The following NCK1 variants were observed in gnomAD, a reference collection of about 807,000 sequenced individuals.
NCK1 encodes the protein NCK adaptor protein 1, also known as SH2/SH3 adapter protein NCK1.
A neutral mutation model predicts 36.6 loss-of-function variants in NCK1; 19 were observed. That is an observed-to-expected ratio of 0.52 (90% CI 0.36 to 0.76). NCK1 has a LOEUF of 0.76. Among genes scored for constraint, NCK1 ranks in the 30% least tolerant of loss-of-function variants. The pLI, the probability that NCK1 is intolerant of heterozygous loss-of-function variation, is 0.00. For missense variants in NCK1, 358 were observed against 445.6 expected (o/e 0.80, Z 1.77); for synonymous variants, 165 against 156.0 (o/e 1.06, Z -0.43).
chr3:136,915,125 T>TAGC (rs1178368408), intron 1 of NCK1, among the ~76,000 whole-genome samples: 1 of 152,194 alleles, frequency 6.6e-6, no homozygotes, highest in Non-Finnish European at 1.5e-5. Flanking sequence ...CTTTATAGAT[T>TAGC]AGCCTCAGGC....
At chr3:136,899,700 G>A (rs1939488460) in intron 1 of NCK1, 1 of 777,694 alleles carries the variant, frequency 1.3e-6, no homozygotes, top group Non-Finnish European at 2.3e-6. Flanking sequence ...ACTGCAATTA[G>A]AGATACGAGG....
chr3:136,901,178 C>G (rs190218535), intron 1 of NCK1, among the ~76,000 whole-genome samples: 1 of 151,342 alleles, frequency 6.6e-6, no homozygotes, highest in African/African-American at 2.4e-5. Context: ...ATGGTTTTGT[C>G]CTTTATTCTG....
In NCK1 at chr3:136,862,256, G is replaced by A. The variant is rs1030157625; in HGVS notation, c.-116G>A. 1.3e-5 allele frequency: 2 copies of A among 152,736 alleles called. No individual in the cohort carries two copies. Among genetic ancestry groups the A allele is most frequent in the Non-Finnish European group, 2.9e-5 (2 of 68,248 alleles). The allele number at this position is 152,736 out of a possible 1,614,324, so 9.5% of individuals were successfully genotyped here. A position where few individuals can be genotyped will look rare whatever the true frequency, so the allele number is the denominator to read the frequency against. On this transcript the variant is annotated 5_prime_UTR_variant, in exon 1 of 4. Coordinates refer to ENST00000481752, the MANE Select transcript of NCK1 (RefSeq NM_001291999.2). Reference sequence around the variant, plus strand: ...CCAAGAGCTACGCGGCGGCGGCGGAGCGCAGGCCTCGTGCCGTTACGGCCA... The same window carrying A: ...CCAAGAGCTACGCGGCGGCGGCGGAACGCAGGCCTCGTGCCGTTACGGCCA...
At chr3:136,875,798 T>A (rs532160985) in intron 1 of NCK1, among the ~76,000 whole-genome samples, 2 of 148,574 alleles carry the variant, frequency 1.3e-5, no homozygotes, top group African/African-American at 5.0e-5. Flanking sequence ...CTGCACCAAG[T>A]GGACCTAATA....
At chr3:136,892,142 C>T (rs1371849255) in intron 1 of NCK1, among the ~76,000 whole-genome samples, 2 of 152,158 alleles carry the variant, frequency 1.3e-5, no homozygotes, top group African/African-American at 4.8e-5. Flanking sequence ...CCTGTCTCAG[C>T]CTCCCAAAGT....
chr3:136,873,375 G>A (rs9834861), intron 1 of NCK1, among the ~76,000 whole-genome samples: 103,752 of 152,052 alleles, frequency 0.68, 35,696 homozygotes, highest in East Asian at 0.87. Context: ...CTCCCATTTG[G>A]AATGGCTGTA....
rs185700694 is a variant in NCK1 at position 136,906,569 on chromosome 3, G to C, written c.-18-21415G>C. Among the ~76,000 whole-genome samples, 57 of 152,288 alleles carry C rather than the reference G, an allele frequency of 3.7e-4. No homozygotes were observed. The East Asian group carries it at 6.7e-3, about 18-fold the overall frequency. On this transcript the variant is annotated intron_variant, in intron 1 of 3. Transcript: ENST00000481752. Reference sequence around the variant, plus strand: ...AGGTAAGCCAATCTTTGAGCCTCCAGGTGTCTTGCTTGGGTACCAGGAGTG... The same window carrying C: ...AGGTAAGCCAATCTTTGAGCCTCCACGTGTCTTGCTTGGGTACCAGGAGTG...
At chr3:136,939,742 A>G (rs1940620664) in intron 2 of NCK1, among the ~76,000 whole-genome samples, 1 of 148,948 alleles carries the variant, frequency 6.7e-6, no homozygotes, top group South Asian at 2.1e-4. Flanking sequence ...ACACTTGTTA[A>G]TTTTCCAGTT....
intron 1 of NCK1, among the ~76,000 whole-genome samples, chr3:136,869,082 A>G (rs76148091): frequency 6.6e-6 from 1 of 151,644 alleles, no homozygotes; most frequent in South Asian, 2.1e-4. Flanking sequence ...TACTAAAGAT[A>G]TAAAAAAATG....
intron 1 of NCK1, among the ~76,000 whole-genome samples, chr3:136,913,300 T>TA (rs1939876868): frequency 1.3e-5 from 2 of 152,140 alleles, no homozygotes; most frequent in African/African-American, 4.8e-5. Flanking sequence ...TTTTTGTTTT[T>TA]AGAGTCTTGC....
intron 1 of NCK1, among the ~76,000 whole-genome samples, chr3:136,919,669 T>TA (rs1940055277): frequency 6.6e-6 from 1 of 152,180 alleles, no homozygotes; most frequent in South Asian, 2.1e-4. Context: ...TAGGTATAGC[T>TA]ATATATTAAT....
At position 136,876,185 on chromosome 3, in the gene NCK1, C is replaced by T. The variant is rs1233830282; in HGVS notation, c.-19+13832C>T. Among the ~76,000 whole-genome samples the T allele has an allele frequency of 6.6e-5, 10 of 151,820 alleles. 1 individual carries two copies. The highest frequency in any genetic ancestry group is 7.3e-5 in the African/African-American group (3 of 41,278). On this transcript the variant is annotated intron_variant, in intron 1 of 3. Coordinates refer to ENST00000481752, the MANE Select transcript of NCK1 (RefSeq NM_001291999.2). ...AGAGGGAAATTTATAGCACTAAATGCCCAAAAGAGAAAGCAGGAAAGATCC... is the reference window on the plus strand; with the variant it reads ...AGAGGGAAATTTATAGCACTAAATGTCCAAAAGAGAAAGCAGGAAAGATCC...
intron 1 of NCK1, chr3:136,889,290 C>T (rs534757556): frequency 5.5e-4 from 97 of 176,414 alleles, no homozygotes; most frequent in African/African-American, 2.0e-3. Context: ...AATGAAGCCG[C>T]GGACCCTCGC....
chr3:136,900,097 A>G, intron 1 of NCK1: 1 of 440,898 alleles, frequency 2.3e-6, no homozygotes, highest in Non-Finnish European at 4.3e-6. Flanking sequence ...AGGGCTTGAT[A>G]TTTACACTTC....
At chr3:136,935,122 A>G (rs576869614) in intron 2 of NCK1, among the ~76,000 whole-genome samples, 1 of 152,202 alleles carries the variant, frequency 6.6e-6, no homozygotes, top group South Asian at 2.1e-4. Flanking sequence ...GCTGGTCTTG[A>G]ACTCCTGGCC....
intron 1 of NCK1, among the ~76,000 whole-genome samples, chr3:136,875,264 A>T (rs1938734004): frequency 6.6e-6 from 1 of 152,162 alleles, no homozygotes; most frequent in Admixed American, 6.5e-5. Flanking sequence ...TTATCAGCTT[A>T]AGGAGATTTT....
intron 1 of NCK1, among the ~76,000 whole-genome samples, chr3:136,887,923 TTTTC>T (rs139549861): frequency 0.12 from 17,289 of 148,942 alleles, 705 homozygotes; most frequent in South Asian, 0.14. Context: ...TTATTGTTTC[TTTTC>T]TTTCTTTCTT....
At chr3:136,927,556 T>TCG (rs1326758190) in intron 1 of NCK1, among the ~76,000 whole-genome samples, 1 of 152,100 alleles carries the variant, frequency 6.6e-6, no homozygotes, top group East Asian at 1.9e-4. Context: ...AGATTCTCCC[T>TCG]CTGTCGCCAG....
At chr3:136,903,636 C>G (rs746239594) in intron 1 of NCK1, among the ~76,000 whole-genome samples, 5 of 152,008 alleles carry the variant, frequency 3.3e-5, no homozygotes. Context: ...TGTAGGCCAG[C>G]CTGGTCTTGA....
Sources: allele counts gnomAD v4.1 joint callset (sites outside exome capture counted in the v4.1 genomes callset), GRCh38; gene constraint gnomAD v4.1.1; transcripts MANE v1.5; gene names NCBI Gene and HGNC (gene_info 2026-07-23, HGNC 2026-07-21).